Variants in LCAT observed in about 807,000 individuals in gnomAD.
LCAT encodes the protein lecithin-cholesterol acyltransferase.
In LCAT, 15 loss-of-function variants were observed where a neutral mutation model predicts 41.0. The observed-to-expected ratio is 0.37, with a 90% CI of 0.24 to 0.56. The LOEUF (loss-of-function observed/expected upper bound fraction) is 0.56, where lower values mean the gene tolerates loss of function less well. Ranked by LOEUF, LCAT falls within the 20% of genes least tolerant of loss-of-function variation. LCAT has a pLI of 0.81. For synonymous variants in LCAT, 248 were observed against 245.4 expected (o/e 1.01, Z -0.10); for missense variants, 449 against 595.1 (o/e 0.75, Z 2.55).
chr16:67,940,835 CAAA>C (rs1188151330), intron 5 of LCAT: 223 of 79,334 alleles, frequency 2.8e-3, no homozygotes, highest in South Asian at 8.4e-3. Context: ...CCTGTCTCTA[CAAA>C]AAAAAAAAAA....
chr16:67,943,279 A>C lies in LCAT; in HGVS notation c.155-67T>G. The C allele has an allele frequency of 1.3e-6, 2 of 1,514,866 alleles. No homozygotes were observed. The highest frequency in any genetic ancestry group is 1.8e-6 in the Non-Finnish European group (2 of 1,116,938). 93.8% of individuals were successfully genotyped at this position (1,514,866 alleles called of 1,614,324 possible). A position where few individuals can be genotyped will look rare whatever the true frequency, so the allele number is the denominator to read the frequency against. On this transcript the variant is annotated intron_variant, in intron 1 of 5. Transcript: ENST00000264005. The surrounding 1 kb of genome is among the most constrained non-coding windows in gnomAD (Gnocchi z 4.6). ...GTGACCCTTACCCCCGTCACCCCAG[A>C]TGCTGCAGTGACCAGACCCACCCCC...
Position 67,943,808 on chromosome 16 carries a change from G to A in LCAT, c.154+140C>T. 1 of 777,408 alleles carries A rather than the reference G, an allele frequency of 1.3e-6. No homozygotes were observed. Among genetic ancestry groups the A allele is most frequent in the Admixed American group, 3.0e-5 (1 of 33,470 alleles). 48.2% of individuals were successfully genotyped at this position (777,408 alleles called of 1,614,324 possible). A position where few individuals can be genotyped will look rare whatever the true frequency, so the allele number is the denominator to read the frequency against. ...CATTCCTCTAAGGGACAAGCTTTTG[G>A]CCCCTCCCCACACCAGGGCAGGTAC... On this transcript the variant is annotated intron_variant, in intron 1 of 5. Coordinates refer to ENST00000264005, the MANE Select transcript of LCAT (RefSeq NM_000229.2). The surrounding 1 kb of genome is among the most constrained non-coding windows in gnomAD (Gnocchi z 4.6).
chr16:67,942,622 T>A lies in LCAT; in HGVS notation c.524-35A>T. The A allele has an allele frequency of 6.2e-7, 1 of 1,612,008 alleles. No homozygotes were observed. The highest frequency in any genetic ancestry group is 8.5e-7 in the Non-Finnish European group (1 of 1,179,174). Reference sequence around the variant, plus strand: ...GTGGAAGGGGTCAGGGCAGCTGGGGTCTGGGGCACCTGCCCCACCCCAAGC... The same window carrying A: ...GTGGAAGGGGTCAGGGCAGCTGGGGACTGGGGCACCTGCCCCACCCCAAGC... On this transcript the variant is annotated intron_variant, in intron 4 of 5. Transcript: ENST00000264005. The surrounding 1 kb of genome is among the most constrained non-coding windows in gnomAD (Gnocchi z 6.6).
rs5923 is a variant in LCAT at position 67,940,050 on chromosome 16, G to A, written c.1177C>T (p.Leu393=). Reference sequence around the variant, plus strand: ...TGCTGTATCCCGTGCAGGGGCAGCAGGTGCACAGGCTGTGGCTGGCGGCCC... The same window carrying A: ...TGCTGTATCCCGTGCAGGGGCAGCAAGTGCACAGGCTGTGGCTGGCGGCCC... ...WQGRQPQPVH[L]LPLHGIQHLN... is the part of the protein sequence containing the mutation. Residue 393 remains leucine, a synonymous_variant, in exon 6 of 6, where the codon CTG becomes TTG. Coordinates refer to ENST00000264005, the MANE Select transcript of LCAT (RefSeq NM_000229.2). 0.051 allele frequency: 82,494 copies of A among 1,613,446 alleles called. 2,991 individuals are homozygous for A. The highest frequency in any genetic ancestry group is 0.18 in the African/African-American group (13,501 of 75,016).
chr16:67,940,577 C>A lies in LCAT; in HGVS notation c.749-99G>T. ...CTCAGCCAGATGCTCAATCTTGTCCCTGCCCAATCTAGACACAGACTCTAA... is the reference window on the plus strand; with the variant it reads ...CTCAGCCAGATGCTCAATCTTGTCCATGCCCAATCTAGACACAGACTCTAA... On this transcript the variant is annotated intron_variant, in intron 5 of 5. Coordinates refer to ENST00000264005, the MANE Select transcript of LCAT (RefSeq NM_000229.2). The A allele has an allele frequency of 1.9e-6, 3 of 1,543,538 alleles. No individual in the cohort carries two copies. In the Admixed American group the frequency reaches 5.9e-5, roughly 30 times the overall value.
In LCAT at chr16:67,941,582, A is replaced by G. The variant is rs2058290720; in HGVS notation, c.748+781T>C. On this transcript the variant is annotated intron_variant, in intron 5 of 5. Transcript: ENST00000264005. ...ACTGCGGCTATGATCACGCCACTGCACTCCAGCCTGGGCGACAGAATGACC... is the reference window on the plus strand; with the variant it reads ...ACTGCGGCTATGATCACGCCACTGCGCTCCAGCCTGGGCGACAGAATGACC... The G allele has an allele frequency of 3.1e-6, 3 of 954,738 alleles. No individual in the cohort carries two copies. In the South Asian group the frequency reaches 1.4e-4, roughly 46 times the overall value. 59.1% of individuals were successfully genotyped at this position (954,738 alleles called of 1,614,324 possible).
chr16:67,941,007 AAAAT>A (rs766708753), intron 5 of LCAT, among the ~76,000 whole-genome samples: 4 of 151,902 alleles, frequency 2.6e-5, no homozygotes, highest in Admixed American at 6.6e-5. Context: ...TCCAGCTTAA[AAAAT>A]AAATAAATAG....
rs984759781 is a variant in LCAT at position 67,939,817 on chromosome 16, TGAG to T, written c.*84_*86del. ...CACACAGCACTGAGCCTGTGGCTGG[TGAG>T]GAGTGAAACCTAGTGTGGGACTCTA... On this transcript the variant is annotated 3_prime_UTR_variant, in exon 6 of 6. Transcript: ENST00000264005. 1 of 1,553,306 alleles carries T rather than the reference TGAG, an allele frequency of 6.4e-7. No individual in the cohort carries two copies. Among genetic ancestry groups the T allele is most frequent in the African/African-American group, 1.4e-5 (1 of 73,820 alleles).
rs1182597528 is a variant in LCAT, at chr16:67,943,558, G to A, written c.155-346C>T. ...ATGGGGGCTGGGCCTAATAGGGGCCGGGCATGGATGGGCCTCTCCTGCTCA... is the reference window on the plus strand; with the variant it reads ...ATGGGGGCTGGGCCTAATAGGGGCCAGGCATGGATGGGCCTCTCCTGCTCA... On this transcript the variant is annotated intron_variant, in intron 1 of 5. Coordinates refer to ENST00000264005, the MANE Select transcript of LCAT (RefSeq NM_000229.2). The surrounding 1 kb of genome is among the most constrained non-coding windows in gnomAD (Gnocchi z 4.6). 3.6e-5 allele frequency: 18 copies of A among 503,662 alleles called. 1 individual carries two copies. Among genetic ancestry groups the A allele is most frequent in the Admixed American group, 1.6e-4 (5 of 30,680 alleles). 31.2% of individuals were successfully genotyped at this position (503,662 alleles called of 1,614,324 possible).
At position 67,939,859 on chromosome 16, in the gene LCAT, A is replaced by G; in HGVS notation, c.*45T>C. The G allele has an allele frequency of 1.3e-6, 2 of 1,589,594 alleles. No individual in the cohort carries two copies. The highest frequency in any genetic ancestry group is 1.7e-6 in the Non-Finnish European group (2 of 1,165,664). On this transcript the variant is annotated 3_prime_UTR_variant, in exon 6 of 6. Transcript: ENST00000264005. ...TGTGGGACTCTAGTGCCTCCCTTCA[A>G]CCTGAAACATAGCCATCAGGGCTTA...
chr16:67,942,939 C>T lies in LCAT; in HGVS notation c.349G>A (p.Ala117Thr), dbSNP rs28940886. ...GGGACGCGGATCTGGACACCAGGGG[C>T]GTTGGACACGAGCCCAGAGCTCCGG... The part of the protein sequence containing the change: ...YNRSSGLVSN[A>T]PGVQIRVPGF... The change falls in exon 3 of 6, where the codon GCC becomes ACC. Residue 117 changes from alanine (A) to threonine (T), a missense_variant. Transcript: ENST00000264005. The surrounding 1 kb of genome is among the most constrained non-coding windows in gnomAD (Gnocchi z 6.6). 9 of 1,613,882 alleles carry T rather than the reference C, an allele frequency of 5.6e-6. No homozygotes were observed. The highest frequency in any genetic ancestry group is 5.1e-6 in the Non-Finnish European group (6 of 1,179,980).
chr16:67,941,899 A>G, intron 5 of LCAT: 6 of 1,140,548 alleles, frequency 5.3e-6, no homozygotes, highest in Non-Finnish European at 6.5e-6. Flanking sequence ...CCCAGGGTAC[A>G]GGGGGTGGGG....
intron 5 of LCAT, 194 bp from the exon 6 acceptor site, chr16:67,940,672 A>G: frequency 1.0e-6 from 1 of 962,266 alleles, no homozygotes; most frequent in Non-Finnish European, 1.5e-6. Flanking sequence ...AAGCCCTGAT[A>G]AGACCTCTGT....
chr16:67,940,375 A>G lies in LCAT; in HGVS notation c.852T>C (p.Pro284=), dbSNP rs760768263. ...PWMFPSRMAW[P]EDHVFISTPS... ...GTGTGGAAATGAACACGTGGTCCTCAGGCCACGCCATGCGAGAGGGAAACA... is the reference window on the plus strand; with the variant it reads ...GTGTGGAAATGAACACGTGGTCCTCGGGCCACGCCATGCGAGAGGGAAACA... The change falls in exon 6 of 6, where the codon CCT becomes CCC. Residue 284 remains proline, a synonymous_variant. Coordinates refer to ENST00000264005, the MANE Select transcript of LCAT (RefSeq NM_000229.2). The G allele has an allele frequency of 2.5e-6, 4 of 1,614,144 alleles. No individual in the cohort carries two copies. The South Asian group carries it at 4.4e-5, about 18-fold the overall frequency.
In LCAT at chr16:67,942,930, C is replaced by T. The variant is rs771607670; in HGVS notation, c.358G>A (p.Val120Ile). The T allele has an allele frequency of 2.5e-6, 4 of 1,613,948 alleles. No homozygotes were observed. In the South Asian group the frequency reaches 4.4e-5, roughly 18 times the overall value. ...CCAAAGCCAGGGACGCGGATCTGGACACCAGGGGCGTTGGACACGAGCCCA... is the reference window on the plus strand; with the variant it reads ...CCAAAGCCAGGGACGCGGATCTGGATACCAGGGGCGTTGGACACGAGCCCA... ...SSGLVSNAPG[V>I]QIRVPGFGKT... The change falls in exon 3 of 6, where the codon GTC becomes ATC. Residue 120 changes from valine (V) to isoleucine (I), a missense_variant. By Grantham distance (29) the Val-to-Ile change is conservative. Transcript: ENST00000264005. This position sits in a 1 kb window ranked among gnomAD's most constrained non-coding sequence, Gnocchi z 6.6.
At position 67,943,888 on chromosome 16, in the gene LCAT, G is replaced by A; in HGVS notation, c.154+60C>T. The A allele has an allele frequency of 6.9e-7, 1 of 1,450,680 alleles. No individual in the cohort carries two copies. The highest frequency in any genetic ancestry group is 1.4e-5 in the African/African-American group (1 of 71,124). The allele number at this position is 1,450,680 out of a possible 1,614,324, so 89.9% of individuals were successfully genotyped here. ...GCTTTGGCCAGGTCAGCTGCCAGGG[G>A]CTGGGGCCCAGGCTCCCCAGGGTCT... is the stretch of plus-strand genomic sequence containing the variant. On this transcript the variant is annotated intron_variant, in intron 1 of 5. Transcript: ENST00000264005. The surrounding 1 kb of genome is among the most constrained non-coding windows in gnomAD (Gnocchi z 4.6).
rs755897598 is a variant in LCAT, at chr16:67,942,370, C to T, written c.741G>A (p.Leu247=). Residue 247 remains leucine (L), a synonymous_variant, in exon 5 of 6, where the codon TTG becomes TTA. Transcript: ENST00000264005. The surrounding 1 kb of genome is among the most constrained non-coding windows in gnomAD (Gnocchi z 6.6). ...WGGSIKPMLV[L]ASGDNQGIPI... ...TGTTCGAGGCCTTCTCACCTGAGGC[C>T]AAGACCAGCATGGGCTTGATGGAGC... is the stretch of plus-strand genomic sequence containing the variant. 6.3e-5 allele frequency: 101 copies of T among 1,613,696 alleles called. 1 individual carries two copies.
rs780635568 is a variant in LCAT, at chr16:67,940,324, G to T, written c.903C>A (p.Asp301Glu). 2.5e-6 allele frequency: 4 copies of T among 1,614,204 alleles called. No homozygotes were observed. In the East Asian group the frequency reaches 6.7e-5, roughly 27 times the overall value. Residue 301 changes from aspartate (D) to glutamate (E), a missense_variant, in exon 6 of 6, where the codon GAC becomes GAA. Transcript: ENST00000264005. The stretch of plus-strand genomic sequence containing the variant: ...GCAGGTCTGCAAAGAAGCGTTGGAA[G>T]TCACGGCCTGTGTAGTTGAAGCTGG... Reference protein sequence around the residue: ...STPSFNYTGRDFQRFFADLHF... With the variant: ...STPSFNYTGREFQRFFADLHF...
At chr16:67,941,525 G>A (rs997335799) in intron 5 of LCAT, 15 of 538,938 alleles carry the variant, frequency 2.8e-5, no homozygotes, top group Admixed American at 6.4e-5. Flanking sequence ...GGAGGCTGAG[G>A]CAGGAGGATT....
Sources: allele counts gnomAD v4.1 joint callset (sites outside exome capture counted in the v4.1 genomes callset), GRCh38; gene constraint gnomAD v4.1.1; non-coding constraint Gnocchi (gnomAD v3.1); transcripts MANE v1.5; gene names NCBI Gene and HGNC (gene_info 2026-07-23, HGNC 2026-07-21).